The following CDC42BPB variants were observed in gnomAD, a reference collection of about 807,000 sequenced individuals.
The protein encoded by CDC42BPB is serine/threonine-protein kinase MRCK beta.
Under a neutral mutation model 214.9 loss-of-function variants are expected in CDC42BPB, and 37 were observed. The ratio of observed to expected loss-of-function variants is 0.17; its 90% CI spans 0.13 to 0.23. The LOEUF (loss-of-function observed/expected upper bound fraction) is 0.23. Ranked by LOEUF, CDC42BPB falls within the 10% of genes least tolerant of loss-of-function variation. The pLI is 1.00. For synonymous variants in CDC42BPB, 931 were observed against 884.0 expected, an observed-to-expected ratio of 1.05 and a Z score of -0.94; for missense variants, 1,694 against 2,227.0, an observed-to-expected ratio of 0.76 and a Z score of 4.82.
Position 103,004,302 on chromosome 14 carries a change from C to T in CDC42BPB, c.352-279G>A. 3 of 612,026 alleles carry T rather than the reference C, an allele frequency of 4.9e-6. No individual in the cohort carries two copies. The highest frequency in any genetic ancestry group is 4.6e-6 in the Non-Finnish European group (2 of 439,450). 37.9% of individuals were successfully genotyped at this position (612,026 alleles called of 1,614,324 possible). On this transcript the variant is annotated intron_variant, in intron 3 of 36. Transcript: ENST00000361246. The surrounding 1 kb of genome is among the most constrained non-coding windows in gnomAD (Gnocchi z 5.3). ...GTGGCTGACACTTAGATTCACCCCA[C>T]CCTTATGTGGATTCCTGACTGGGCT...
chr14:103,049,585 G>A (rs755280102), intron 1 of CDC42BPB, among the ~76,000 whole-genome samples: 2 of 152,238 alleles, frequency 1.3e-5, no homozygotes, highest in Non-Finnish European at 2.9e-5. Flanking sequence ...AGGGACTGCT[G>A]TCTTGCACTA....
At chr14:103,037,335 C>T (rs1391232628) in intron 1 of CDC42BPB, among the ~76,000 whole-genome samples, 3 of 152,016 alleles carry the variant, frequency 2.0e-5, no homozygotes, top group African/African-American at 7.2e-5. Flanking sequence ...CTGTGTCACC[C>T]AGGCTGGAGT....
intron 1 of CDC42BPB, among the ~76,000 whole-genome samples, chr14:103,029,314 G>C (rs1300236071): frequency 6.6e-6 from 1 of 152,160 alleles, no homozygotes; most frequent in African/African-American, 2.4e-5. Flanking sequence ...GGCCGAGGTG[G>C]GTGGATCACG....
intron 5 of CDC42BPB, among the ~76,000 whole-genome samples, chr14:102,988,958 T>C (rs1480449789): frequency 2.0e-5 from 3 of 150,132 alleles, no homozygotes; most frequent in African/African-American, 7.3e-5. Context: ...TACAAAAATG[T>C]TTAAAAATCT....
At chr14:103,007,303 G>T (rs1180244136) in intron 3 of CDC42BPB, among the ~76,000 whole-genome samples, 2 of 152,162 alleles carry the variant, frequency 1.3e-5, no homozygotes, top group Non-Finnish European at 2.9e-5. Flanking sequence ...CAGAGCGGGG[G>T]AGGGAAAAGC....
intron 4 of CDC42BPB, 145 bp from the exon 5 acceptor site, chr14:102,999,858 C>T: frequency 4.1e-6 from 6 of 1,465,242 alleles, no homozygotes; most frequent in Non-Finnish European, 4.5e-6. Context: ...ACCCAAGACC[C>T]TCCTTCTGGA....
At chr14:102,961,850 A>AC (rs1201878077) in intron 20 of CDC42BPB, among the ~76,000 whole-genome samples, 1 of 152,190 alleles carries the variant, frequency 6.6e-6, no homozygotes, top group Non-Finnish European at 1.5e-5. Flanking sequence ...CTGCAAAACC[A>AC]CTTTTATTTG....
At chr14:103,048,532 C>CAAAAA (rs71119751) in intron 1 of CDC42BPB, among the ~76,000 whole-genome samples, 9,142 of 42,558 alleles carry the variant, frequency 0.21, 1,202 homozygotes, top group Non-Finnish European at 0.27. Flanking sequence ...ACTAAAAATA[C>CAAAAA]AAAAAAAAAA....
chr14:103,028,888 A>G (rs1382038627), intron 1 of CDC42BPB, among the ~76,000 whole-genome samples: 2 of 152,200 alleles, frequency 1.3e-5, no homozygotes, highest in East Asian at 3.8e-4. Flanking sequence ...ACTTTTTTTC[A>G]TCCTAGCATA....
intron 1 of CDC42BPB, among the ~76,000 whole-genome samples, chr14:103,043,592 G>A (rs971170633): frequency 1.3e-5 from 2 of 151,718 alleles, no homozygotes; most frequent in Non-Finnish European, 1.5e-5. Flanking sequence ...TGCATGACTC[G>A]ACGAATATAC....
intron 1 of CDC42BPB, among the ~76,000 whole-genome samples, chr14:103,031,590 T>C (rs1399384649): frequency 6.6e-6 from 1 of 152,230 alleles, no homozygotes; most frequent in Non-Finnish European, 1.5e-5. Context: ...AAATTGTACT[T>C]TTCCAGAACG....
intron 1 of CDC42BPB, among the ~76,000 whole-genome samples, chr14:103,051,813 A>G (rs950767515): frequency 6.6e-6 from 1 of 151,988 alleles, no homozygotes; most frequent in East Asian, 1.9e-4. Context: ...ACTGCTGCTC[A>G]CTGTGAAGCC....
intron 1 of CDC42BPB, among the ~76,000 whole-genome samples, chr14:103,029,433 C>T (rs933306437): frequency 1.3e-5 from 2 of 151,448 alleles, no homozygotes; most frequent in African/African-American, 4.9e-5. Flanking sequence ...ATCCCAGCTA[C>T]TGAGGAGGCT....
intron 21 of CDC42BPB, among the ~76,000 whole-genome samples, chr14:102,955,395 G>C (rs1319745057): frequency 6.6e-6 from 1 of 152,132 alleles, no homozygotes; most frequent in Non-Finnish European, 1.5e-5. Context: ...ACTCCAGCCT[G>C]GGCAACAAAT....
chr14:102,964,494 C>A lies in CDC42BPB; in HGVS notation c.2726+8G>T. 6.2e-7 allele frequency: 1 copy of A among 1,613,132 alleles called. No individual in the cohort carries two copies. The highest frequency in any genetic ancestry group is 8.5e-7 in the Non-Finnish European group (1 of 1,179,878). On this transcript the variant is annotated splice_region_variant and intron_variant, in intron 19 of 36. Transcript: ENST00000361246. ...TCCTACCTGGAGTCAGACCCTGGCA[C>A]CAAGTACCTTTCCAAGGTGAGGTTG... is the stretch of plus-strand genomic sequence containing the variant.
rs776779318 is a variant in CDC42BPB, at chr14:102,974,077, C to G, written c.1580G>C (p.Arg527Pro). 5 of 1,613,910 alleles carry G rather than the reference C, an allele frequency of 3.1e-6. No homozygotes were observed. The highest frequency in any genetic ancestry group is 4.2e-6 in the Non-Finnish European group (5 of 1,179,928). Reference protein sequence around the residue: ...LRQEREDSTQRLRGLEKQHRV... With the variant: ...LRQEREDSTQPLRGLEKQHRV... ...GTGCTGCTTCTCCAGCCCCCGCAGC[C>G]GCTGCGTGGAGTCCTCACGCTCTTG... Residue 527 changes from arginine (R) to proline (P), a missense_variant, in exon 12 of 37, where the codon CGG becomes CCG. By Grantham distance (103) the Arg-to-Pro change is moderately radical. Coordinates refer to ENST00000361246, the MANE Select transcript of CDC42BPB (RefSeq NM_006035.4).
At chr14:102,938,272 C>T (rs1462430849) in intron 35 of CDC42BPB, 34 bp downstream of exon 35, 1 of 1,602,634 alleles carries the variant, frequency 6.2e-7, no homozygotes, top group Non-Finnish European at 8.5e-7. Flanking sequence ...CCCCCACCTC[C>T]CCCAGGGCTG....
intron 1 of CDC42BPB, among the ~76,000 whole-genome samples, chr14:103,034,778 A>T (rs907478704): frequency 6.6e-6 from 1 of 151,260 alleles, no homozygotes; most frequent in Non-Finnish European, 1.5e-5. Context: ...AGATCGTGCC[A>T]CTGCGCTCCA....
At chr14:102,947,923 C>G in intron 26 of CDC42BPB, 121 bp from the exon 27 acceptor site, 3 of 1,540,022 alleles carry the variant, frequency 1.9e-6, no homozygotes, top group Non-Finnish European at 2.6e-6. Context: ...CAGTGGAGGG[C>G]GGGTCCCTCG....
Sources: allele counts gnomAD v4.1 joint callset (sites outside exome capture counted in the v4.1 genomes callset), GRCh38; gene constraint gnomAD v4.1.1; non-coding constraint Gnocchi (gnomAD v3.1); transcripts MANE v1.5; gene names NCBI Gene and HGNC (gene_info 2026-07-23, HGNC 2026-07-21).